The following TMEM178B variants were observed in gnomAD, a reference collection of about 807,000 sequenced individuals.
TMEM178B encodes transmembrane protein 178B.
TMEM178B carries 5 observed loss-of-function variants against 31.0 expected under a neutral mutation model. The observed-to-expected ratio is 0.16, with a 90% CI of 0.08 to 0.34. The LOEUF (loss-of-function observed/expected upper bound fraction) is 0.34, where lower values mean the gene tolerates loss of function less well. TMEM178B is among the 10% of genes least tolerant of loss of function. TMEM178B has a pLI of 1.00. For missense variants in TMEM178B, 275 were observed against 400.3 expected (o/e 0.69, Z 2.67); for synonymous variants, 164 against 164.0 (o/e 1.00, Z 0.00).
chr7:141,099,833 T>TC (rs540434672), intron 1 of TMEM178B, among the ~76,000 whole-genome samples: 117 of 4,312 alleles, frequency 0.027, no homozygotes, highest in African/African-American at 0.079. Flanking sequence ...ACGGTGTCTC[T>TC]TTTTTTTTTT....
At chr7:141,144,476 A>G (rs1394217988) in intron 1 of TMEM178B, among the ~76,000 whole-genome samples, 1 of 152,230 alleles carries the variant, frequency 6.6e-6, no homozygotes, top group African/African-American at 2.4e-5. Flanking sequence ...TCTCTGTTGA[A>G]GGTAACATTT....
At chr7:141,301,737 G>A (rs1241451603) in intron 2 of TMEM178B, among the ~76,000 whole-genome samples, 2 of 152,178 alleles carry the variant, frequency 1.3e-5, no homozygotes, top group East Asian at 1.9e-4. Context: ...GGACCTGTGC[G>A]TGTTCCCAGA....
At chr7:141,467,545 CT>C (rs1308062559) in intron 3 of TMEM178B, among the ~76,000 whole-genome samples, 3 of 152,190 alleles carry the variant, frequency 2.0e-5, no homozygotes, top group Non-Finnish European at 2.9e-5. Context: ...CCCCTTCCCC[CT>C]GATGACCACG....
chr7:141,081,013 T>C (rs1794673368), intron 1 of TMEM178B, among the ~76,000 whole-genome samples: 1 of 152,196 alleles, frequency 6.6e-6, no homozygotes, highest in Non-Finnish European at 1.5e-5. Flanking sequence ...ATATATTTAC[T>C]ATGCTATACT....
intron 1 of TMEM178B, among the ~76,000 whole-genome samples, chr7:141,159,062 T>A (rs1237536781): frequency 6.6e-6 from 1 of 152,156 alleles, no homozygotes; most frequent in African/African-American, 2.4e-5. Context: ...GATGTCACCA[T>A]GCATCCAGGG....
intron 3 of TMEM178B, among the ~76,000 whole-genome samples, chr7:141,470,107 G>T (rs1439508709): frequency 6.6e-6 from 1 of 152,238 alleles, no homozygotes; most frequent in East Asian, 1.9e-4. Flanking sequence ...GTATAAGAAA[G>T]AGAAAAGATT....
chr7:141,372,814 A>G (rs2037873728), intron 2 of TMEM178B, among the ~76,000 whole-genome samples: 1 of 152,236 alleles, frequency 6.6e-6, no homozygotes, highest in South Asian at 2.1e-4. Flanking sequence ...GATTAGAGTT[A>G]CTATTAGAGC....
chr7:141,243,202 CTCTT>C lies in TMEM178B; in HGVS notation c.496+30502_496+30505del, dbSNP rs1797655884. Among the ~76,000 whole-genome samples the C allele has an allele frequency of 2.6e-5, 4 of 151,996 alleles. No homozygotes were observed. The South Asian group carries it at 8.3e-4, about 32-fold the overall frequency. On this transcript the variant is annotated intron_variant, in intron 2 of 3. Transcript: ENST00000565468. ...ATTGACTAATGAAGGGGAGAATTGTCTCTTTCTCGGAGTCCATGCGAGGTCAGCC... is the reference window on the plus strand; with the variant it reads ...ATTGACTAATGAAGGGGAGAATTGTCTCTCGGAGTCCATGCGAGGTCAGCC...
At chr7:141,187,992 G>A (rs1002404550) in intron 1 of TMEM178B, among the ~76,000 whole-genome samples, 1 of 152,118 alleles carries the variant, frequency 6.6e-6, no homozygotes, top group African/African-American at 2.4e-5. Flanking sequence ...ATTGCTTTTG[G>A]TGTTTTAGAC....
At chr7:141,247,805 A>G (rs1220922063) in intron 2 of TMEM178B, among the ~76,000 whole-genome samples, 1 of 152,116 alleles carries the variant, frequency 6.6e-6, no homozygotes, top group Non-Finnish European at 1.5e-5. Context: ...TGTTCCAAGT[A>G]TTTCCTAGGA....
rs553206794 is a variant in TMEM178B at position 141,250,715 on chromosome 7, C to G, written c.496+38011C>G. ...GAGCACCTGGCCACGTGTGGTTCTT[C>G]TCTCATCCCCCCTTCCCAAGATGCA... On this transcript the variant is annotated intron_variant, in intron 2 of 3. Coordinates refer to ENST00000565468, the MANE Select transcript of TMEM178B (RefSeq NM_001195278.2). Among the ~76,000 whole-genome samples, 16 of 152,254 alleles carry G rather than the reference C, an allele frequency of 1.1e-4. No individual in the cohort carries two copies. The South Asian group carries it at 3.3e-3, about 32-fold the overall frequency.
chr7:141,373,117 C>G (rs1800148278), intron 2 of TMEM178B, among the ~76,000 whole-genome samples: 1 of 152,166 alleles, frequency 6.6e-6, no homozygotes, highest in Non-Finnish European at 1.5e-5. Context: ...GGGCCTTCCC[C>G]TCAGGACTTC....
At chr7:141,180,506 A>C (rs1327182745) in intron 1 of TMEM178B, among the ~76,000 whole-genome samples, 1 of 151,866 alleles carries the variant, frequency 6.6e-6, no homozygotes, top group Non-Finnish European at 1.5e-5. Context: ...AAGAAAATAT[A>C]AATCTACAAA....
chr7:141,353,449 A>G (rs1326387424), intron 2 of TMEM178B, among the ~76,000 whole-genome samples: 1 of 152,196 alleles, frequency 6.6e-6, no homozygotes, highest in East Asian at 1.9e-4. Context: ...GAACATGCCA[A>G]TCTTTCTCAA....
intron 2 of TMEM178B, among the ~76,000 whole-genome samples, chr7:141,329,230 G>A (rs959342691): frequency 6.6e-6 from 1 of 152,180 alleles, no homozygotes; most frequent in Non-Finnish European, 1.5e-5. Flanking sequence ...ATGATGAAAT[G>A]AGTGGAGTAA....
intron 2 of TMEM178B, among the ~76,000 whole-genome samples, chr7:141,226,720 A>T (rs545966239): frequency 6.6e-6 from 1 of 151,992 alleles, no homozygotes; most frequent in Non-Finnish European, 1.5e-5. Flanking sequence ...TTAGCCGGGC[A>T]TGGTGGTGCA....
At position 141,074,759 on chromosome 7, in the gene TMEM178B, C is replaced by A. The variant is rs1794570035; in HGVS notation, c.382+67C>A. The A allele has an allele frequency of 2.8e-6, 4 of 1,434,912 alleles. No individual in the cohort carries two copies. The highest frequency in any genetic ancestry group is 2.7e-6 in the Non-Finnish European group (3 of 1,099,204). The allele number at this position is 1,434,912 out of a possible 1,614,324, so 88.9% of individuals were successfully genotyped here. ...CGCCTTTAGGCCCCGCAGCCCCTCG[C>A]GTCTCCTTCCCAGGCCACAGGCTAT... On this transcript the variant is annotated intron_variant, in intron 1 of 3. Transcript: ENST00000565468. The surrounding 1 kb of genome is among the most constrained non-coding windows in gnomAD (Gnocchi z 5.1).
At chr7:141,407,851 T>C (rs955716781) in intron 2 of TMEM178B, among the ~76,000 whole-genome samples, 1 of 152,232 alleles carries the variant, frequency 6.6e-6, no homozygotes, top group African/African-American at 2.4e-5. Flanking sequence ...TGGAACACTT[T>C]GGTACTTGAT....
chr7:141,167,776 G>A (rs570207721), intron 1 of TMEM178B, among the ~76,000 whole-genome samples: 1 of 152,334 alleles, frequency 6.6e-6, no homozygotes, highest in Admixed American at 6.5e-5. Flanking sequence ...GCCCTGGACA[G>A]GGCCGGTGTG....
Sources: gnomAD v4.1 joint callset for allele counts (sites outside exome capture counted in the v4.1 genomes callset) on GRCh38, gnomAD v4.1.1 for gene constraint, Gnocchi (gnomAD v3.1) non-coding constraint, MANE v1.5 for transcripts, NCBI Gene and HGNC (gene_info 2026-07-23, HGNC 2026-07-21) for gene names.